RYR3: variants seen among roughly 807,000 people sequenced by gnomAD.
RYR3 encodes the protein brain ryanodine receptor-calcium release channel.
In RYR3, 207 loss-of-function variants were observed where a neutral mutation model predicts 584.3. That is an observed-to-expected ratio of 0.35 (90% CI 0.32 to 0.40). The LOEUF (loss-of-function observed/expected upper bound fraction) is 0.40, where lower values mean the gene tolerates loss of function less well. RYR3 is among the 10% of genes least tolerant of loss of function. RYR3 has a pLI of 1.00. For missense variants in RYR3, 5,616 were observed against 6,089.2 expected (o/e 0.92, Z 2.59); for synonymous variants, 2,416 against 2,248.5 (o/e 1.07, Z -2.11).
intron 10 of RYR3, among the ~76,000 whole-genome samples, chr15:33,557,988 T>G (rs560238654): frequency 6.6e-6 from 1 of 152,312 alleles, no homozygotes; most frequent in South Asian, 2.1e-4. Context: ...AGATACAGAT[T>G]GAATGCCTGC....
chr15:33,830,688 C>G, intron 85 of RYR3: 1 of 266,898 alleles, frequency 3.7e-6, no homozygotes, highest in Non-Finnish European at 7.0e-6. Context: ...ATTATCTTCA[C>G]ATATTTCACA....
chr15:33,669,316 T>G, intron 36 of RYR3, 38 bp from the exon 37 acceptor site: 2 of 1,569,254 alleles, frequency 1.3e-6, no homozygotes, highest in Non-Finnish European at 1.8e-6. Context: ...TGGCCAACAT[T>G]GAGAACCAAC....
chr15:33,336,497 A>G (rs368268456), intron 1 of RYR3, among the ~76,000 whole-genome samples: 1,152 of 24,058 alleles, frequency 0.048, 212 homozygotes, highest in African/African-American at 0.12. Flanking sequence ...AAAGAAAGAA[A>G]GAAAGAAGGA....
chr15:33,844,748 T>C, intron 92 of RYR3, 114 bp from the exon 93 acceptor site: 6 of 879,142 alleles, frequency 6.8e-6, no homozygotes, highest in Non-Finnish European at 1.0e-5. Context: ...CAGCAAGTAA[T>C]GTTGAGTCAC....
intron 3 of RYR3, among the ~76,000 whole-genome samples, chr15:33,519,144 T>A (rs1442054921): frequency 6.6e-6 from 1 of 152,176 alleles, no homozygotes; most frequent in African/African-American, 2.4e-5. Flanking sequence ...TGGGGGGCAG[T>A]TCAGGAAGTG....
chr15:33,448,999 C>T (rs28599649), intron 1 of RYR3, among the ~76,000 whole-genome samples: 3,156 of 152,142 alleles, frequency 0.021, 53 homozygotes, highest in Non-Finnish European at 0.027. Context: ...GAAGTAGTCC[C>T]GGAAAGAGTT....
intron 40 of RYR3, among the ~76,000 whole-genome samples, chr15:33,699,332 TTCTCTCCTCTCTG>T (rs1435118629): frequency 7.2e-6 from 1 of 138,734 alleles, no homozygotes. Context: ...TCTCCTCACT[TTCTCTCCTCTCTG>T]TCTCTCCTCT....
chr15:33,523,271 G>A (rs960877686), intron 3 of RYR3, among the ~76,000 whole-genome samples: 1 of 152,198 alleles, frequency 6.6e-6, no homozygotes, highest in Non-Finnish European at 1.5e-5. Flanking sequence ...CAACCTGCTG[G>A]TGTCCCCTTC....
At chr15:33,542,061 G>A (rs2055864891) in intron 7 of RYR3, among the ~76,000 whole-genome samples, 1 of 152,138 alleles carries the variant, frequency 6.6e-6, no homozygotes, top group Non-Finnish European at 1.5e-5. Flanking sequence ...ATGTCAAAAG[G>A]TCCTTATAGA....
chr15:33,439,303 A>C (rs1177886151), intron 1 of RYR3, among the ~76,000 whole-genome samples: 1 of 152,160 alleles, frequency 6.6e-6, no homozygotes, highest in East Asian at 1.9e-4. Flanking sequence ...TACAATGTCG[A>C]ATAGAACCAA....
chr15:33,434,880 C>T (rs574022196), intron 1 of RYR3, among the ~76,000 whole-genome samples: 4 of 152,160 alleles, frequency 2.6e-5, no homozygotes, highest in African/African-American at 9.6e-5. Context: ...TGCAGTGGTG[C>T]GATCTTGGCT....
chr15:33,826,976 T>C (rs569731452), intron 84 of RYR3, among the ~76,000 whole-genome samples: 1 of 152,304 alleles, frequency 6.6e-6, no homozygotes, highest in South Asian at 2.1e-4. Context: ...ACCCAGCCCT[T>C]TCCATCTAGC....
intron 1 of RYR3, among the ~76,000 whole-genome samples, chr15:33,440,075 C>A (rs2141860594): frequency 6.6e-6 from 1 of 152,192 alleles, no homozygotes; most frequent in Non-Finnish European, 1.5e-5. Flanking sequence ...ATCACTTGAG[C>A]CTAGGAGCTC....
intron 96 of RYR3, among the ~76,000 whole-genome samples, chr15:33,854,179 G>C (rs1370281630): frequency 7.7e-6 from 1 of 130,692 alleles, no homozygotes; most frequent in Non-Finnish European, 1.6e-5. Context: ...CTGGGTGATA[G>C]AGTGAGACTC....
chr15:33,503,170 A>G (rs191453596), intron 2 of RYR3, among the ~76,000 whole-genome samples: 15 of 152,220 alleles, frequency 9.9e-5, no homozygotes, highest in East Asian at 7.7e-4. Flanking sequence ...TTTATACTCT[A>G]TCTAGGTTTT....
chr15:33,852,735 G>A (rs1201657215), intron 94 of RYR3: 5 of 249,966 alleles, frequency 2.0e-5, no homozygotes, highest in Non-Finnish European at 3.9e-5. Context: ...ATTAGGGAAA[G>A]GACTTAGAAA....
Position 33,624,294 on chromosome 15 carries a change from A to T in RYR3, c.2574+271A>T, listed in dbSNP as rs373112756. On this transcript the variant is annotated intron_variant, in intron 20 of 103. Coordinates refer to ENST00000634891, the MANE Select transcript of RYR3 (RefSeq NM_001036.6). ...TTTATTGTCTGGGAATTCTCAACCAAGTTAAAGATGTAAGAAGCAAATGTA... is the reference window on the plus strand; with the variant it reads ...TTTATTGTCTGGGAATTCTCAACCATGTTAAAGATGTAAGAAGCAAATGTA... Among the ~76,000 whole-genome samples the T allele has an allele frequency of 5.9e-5, 9 of 152,344 alleles. No homozygotes were observed. In the East Asian group the frequency reaches 1.5e-3, roughly 26 times the overall value.
intron 74 of RYR3, 71 bp from the exon 75 acceptor site, chr15:33,816,791 A>G (rs1207268925): frequency 7.0e-6 from 7 of 998,700 alleles, no homozygotes; most frequent in South Asian, 3.0e-5. Context: ...CTTACTAACC[A>G]TTAACTGCCC....
intron 1 of RYR3, among the ~76,000 whole-genome samples, chr15:33,378,100 A>G (rs2141160376): frequency 6.6e-6 from 1 of 152,328 alleles, no homozygotes; most frequent in East Asian, 1.9e-4. Context: ...GAATTTAAAG[A>G]ATACAGTATA....
Sources: allele counts gnomAD v4.1 joint callset (sites outside exome capture counted in the v4.1 genomes callset), GRCh38; gene constraint gnomAD v4.1.1; transcripts MANE v1.5; gene names NCBI Gene and HGNC (gene_info 2026-07-23, HGNC 2026-07-21).